The following EFNA5 variants were observed in gnomAD, a reference collection of about 807,000 sequenced individuals.
EFNA5 encodes ephrin A5.
In EFNA5, 5 loss-of-function variants were observed where a neutral mutation model predicts 22.9. The ratio of observed to expected loss-of-function variants is 0.22; its 90% CI spans 0.11 to 0.46. The LOEUF is 0.46. Among genes scored for constraint, EFNA5 ranks in the 20% least tolerant of loss-of-function variants. The pLI is 0.99. For missense variants in EFNA5, 237 were observed against 293.3 expected (o/e 0.81, Z 1.40); for synonymous variants, 113 against 112.2 (o/e 1.01, Z -0.04).
At chr5:107,503,796 A>G (rs1352366349) in intron 1 of EFNA5, among the ~76,000 whole-genome samples, 1 of 152,204 alleles carries the variant, frequency 6.6e-6, no homozygotes, top group Non-Finnish European at 1.5e-5. Flanking sequence ...TTGTTTACCC[A>G]TTAAAAAGGC....
intron 1 of EFNA5, among the ~76,000 whole-genome samples, chr5:107,538,858 T>C (rs1747982178): frequency 6.6e-6 from 1 of 152,244 alleles, no homozygotes; most frequent in Admixed American, 6.5e-5. Context: ...AATGTGTACC[T>C]TTCTAAGCAG....
At chr5:107,522,841 T>C (rs984305152) in intron 1 of EFNA5, among the ~76,000 whole-genome samples, 1 of 152,184 alleles carries the variant, frequency 6.6e-6, no homozygotes, top group Admixed American at 6.5e-5. Flanking sequence ...TTCAAACTCA[T>C]CACACTCTCT....
In EFNA5 at chr5:107,560,338, A is replaced by G. The variant is rs566235149; in HGVS notation, c.125+110151T>C. On this transcript the variant is annotated intron_variant, in intron 1 of 4. Coordinates refer to ENST00000333274, the MANE Select transcript of EFNA5 (RefSeq NM_001962.3). Reference sequence around the variant, plus strand: ...ACAAAAGGAGAAGAAAAGAAGAAAAATCACCTGATTCCTTAAACAAAGTAA... The same window carrying G: ...ACAAAAGGAGAAGAAAAGAAGAAAAGTCACCTGATTCCTTAAACAAAGTAA... Among the ~76,000 whole-genome samples, 30 of 152,356 alleles carry G rather than the reference A, an allele frequency of 2.0e-4. 1 individual carries two copies. Among genetic ancestry groups the G allele is most frequent in the African/African-American group, 7.0e-4 (29 of 41,584 alleles).
At chr5:107,401,672 C>A (rs2112389775) in intron 2 of EFNA5, among the ~76,000 whole-genome samples, 1 of 152,202 alleles carries the variant, frequency 6.6e-6, no homozygotes, top group African/African-American at 2.4e-5. Flanking sequence ...GATGAGAAAT[C>A]AGTAAATTCT....
At chr5:107,515,143 T>C (rs1422633541) in intron 1 of EFNA5, among the ~76,000 whole-genome samples, 1 of 152,028 alleles carries the variant, frequency 6.6e-6, no homozygotes, top group East Asian at 1.9e-4. Context: ...CAAGTGATTC[T>C]CCTGCCTCAG....
chr5:107,394,157 A>T (rs1747858856), intron 2 of EFNA5, among the ~76,000 whole-genome samples: 1 of 152,228 alleles, frequency 6.6e-6, no homozygotes, highest in South Asian at 2.1e-4. Flanking sequence ...TGGGATTTAA[A>T]AGTCATGTGC....
At chr5:107,653,590 A>G (rs1750774941) in intron 1 of EFNA5, among the ~76,000 whole-genome samples, 2 of 152,274 alleles carry the variant, frequency 1.3e-5, no homozygotes, top group East Asian at 1.9e-4. Context: ...CAACAGGGGG[A>G]GTCCCCAGAG....
At chr5:107,584,542 T>C (rs1749136102) in intron 1 of EFNA5, among the ~76,000 whole-genome samples, 1 of 152,202 alleles carries the variant, frequency 6.6e-6, no homozygotes, top group Admixed American at 6.5e-5. Flanking sequence ...CAAATATTAT[T>C]TTGGATAGTC....
chr5:107,387,340 C>T, intron 3 of EFNA5, 25 bp from the exon 4 acceptor site: 1 of 1,495,522 alleles, frequency 6.7e-7, no homozygotes, highest in Non-Finnish European at 9.2e-7. Context: ...GAGATAACAG[C>T]CAAATATGTT....
chr5:107,537,183 T>C lies in EFNA5; in HGVS notation c.126-109674A>G, dbSNP rs1292628360. 2.0e-5 allele frequency among the ~76,000 whole-genome samples: 3 copies of C among 152,104 alleles called. No homozygotes were observed. In the East Asian group the frequency reaches 5.8e-4, roughly 29 times the overall value. ...AACAACAATTTCTTTCATTAGTATA[T>C]TGGTTTATAAGCTAAAAACATTTGT... is the stretch of plus-strand genomic sequence containing the variant. On this transcript the variant is annotated intron_variant, in intron 1 of 4. Transcript: ENST00000333274.
intron 1 of EFNA5, among the ~76,000 whole-genome samples, chr5:107,592,507 C>T (rs1749395189): frequency 6.6e-6 from 1 of 152,104 alleles, no homozygotes; most frequent in Non-Finnish European, 1.5e-5. Flanking sequence ...AAAAAGACCT[C>T]TCTCAAACTA....
At chr5:107,545,927 A>G (rs1197873134) in intron 1 of EFNA5, among the ~76,000 whole-genome samples, 1 of 152,100 alleles carries the variant, frequency 6.6e-6, no homozygotes, top group Non-Finnish European at 1.5e-5. Flanking sequence ...TAGCAGTTTG[A>G]AAACAGAGCA....
chr5:107,408,237 G>T (rs1748272783), intron 2 of EFNA5, among the ~76,000 whole-genome samples: 1 of 151,838 alleles, frequency 6.6e-6, no homozygotes, highest in South Asian at 2.1e-4. Flanking sequence ...TCTTACTAAG[G>T]AAAAGGCTTA....
At chr5:107,496,705 A>G (rs1746994632) in intron 1 of EFNA5, among the ~76,000 whole-genome samples, 1 of 152,206 alleles carries the variant, frequency 6.6e-6, no homozygotes, top group South Asian at 2.1e-4. Context: ...GCGCTTAAAC[A>G]ATAACTGCAA....
intron 1 of EFNA5, among the ~76,000 whole-genome samples, chr5:107,606,142 G>A (rs948055758): frequency 4.6e-5 from 7 of 152,120 alleles, no homozygotes; most frequent in African/African-American, 1.7e-4. Flanking sequence ...AGAATTCTAC[G>A]TGCTCAGACA....
chr5:107,643,350 A>T (rs1463775880), intron 1 of EFNA5, among the ~76,000 whole-genome samples: 2 of 152,148 alleles, frequency 1.3e-5, no homozygotes, highest in African/African-American at 4.8e-5. Flanking sequence ...GTGGGTTGTG[A>T]GTCAAGTGGG....
chr5:107,528,533 G>A (rs1056771762), intron 1 of EFNA5, among the ~76,000 whole-genome samples: 2 of 152,082 alleles, frequency 1.3e-5, no homozygotes, highest in African/African-American at 4.8e-5. Context: ...TCTTATATGT[G>A]TACTGTGAGT....
At chr5:107,609,011 T>A (rs1404892424) in intron 1 of EFNA5, among the ~76,000 whole-genome samples, 1 of 152,226 alleles carries the variant, frequency 6.6e-6, no homozygotes, top group Non-Finnish European at 1.5e-5. Context: ...ATCTACTGAA[T>A]TCTGAGTGTT....
At chr5:107,663,946 T>G (rs1751020085) in intron 1 of EFNA5, among the ~76,000 whole-genome samples, 1 of 152,178 alleles carries the variant, frequency 6.6e-6, no homozygotes, top group Non-Finnish European at 1.5e-5. Context: ...TTATTTTTCC[T>G]TATTGAAAAT....
Sources: gnomAD v4.1 joint callset for allele counts (sites outside exome capture counted in the v4.1 genomes callset) on GRCh38, gnomAD v4.1.1 for gene constraint, MANE v1.5 for transcripts, NCBI Gene and HGNC (gene_info 2026-07-23, HGNC 2026-07-21) for gene names.